Variants in LUZP4 observed in about 807,000 individuals in gnomAD.
LUZP4 encodes leucine zipper protein 4, also known as HOM-TES-85 tumor antigen.
A neutral mutation model predicts 8.5 loss-of-function variants in LUZP4; 11 were observed. That is an observed-to-expected ratio of 1.30 (90% CI 0.82 to 2.14). The LOEUF is 2.14. Ranked by LOEUF, LUZP4 falls within the 30% of genes most tolerant of loss-of-function variation. The probability of loss-of-function intolerance (pLI) is 0.00; values close to 1 mark genes in which losing one functional copy is unlikely to be tolerated. For synonymous variants in LUZP4, 104 were observed against 79.4 expected, an observed-to-expected ratio of 1.31 and a Z score of -1.65; for missense variants, 276 against 229.7, an observed-to-expected ratio of 1.20 and a Z score of -1.30.
rs1253406155 is a variant in LUZP4, at chrX:115,307,121, C to A, written c.*317C>A. ...TAGTGTCCTGTCCCCCTTGGACGTT[C>A]CAACTTGACTTAGTGTCCAGTGCCC... On this transcript the variant is annotated 3_prime_UTR_variant, in exon 4 of 4. Coordinates refer to ENST00000371920, the MANE Select transcript of LUZP4 (RefSeq NM_016383.5). The A allele has an allele frequency of 8.0e-6, 2 of 248,726 alleles. No individual in the cohort carries two copies. The highest frequency in any genetic ancestry group is 2.7e-5 in the African/African-American group (1 of 36,423). The allele number at this position is 248,726 out of a possible 1,213,427, so 20.5% of individuals were successfully genotyped here.
chrX:115,293,793 A>T (rs1286620810), intron 1 of LUZP4, among the ~76,000 whole-genome samples: 5 of 109,005 alleles, frequency 4.6e-5, no homozygotes, highest in African/African-American at 1.7e-4. Flanking sequence ...TCTCCTAAAA[A>T]TACAAAAATT....
intron 1 of LUZP4, among the ~76,000 whole-genome samples, chrX:115,291,657 C>A (rs1031338771): frequency 9.0e-6 from 1 of 110,687 alleles, no homozygotes; most frequent in Non-Finnish European, 1.9e-5. Flanking sequence ...CTTGGTGGCT[C>A]ATTCATGTAA....
chrX:115,304,393 A>AT (rs1224522702), intron 3 of LUZP4, among the ~76,000 whole-genome samples: 1 of 112,139 alleles, frequency 8.9e-6, no homozygotes, highest in Non-Finnish European at 1.9e-5. Context: ...GGATGAGGGG[A>AT]TTTTTTTATA....
intron 1 of LUZP4, among the ~76,000 whole-genome samples, chrX:115,301,076 A>G (rs2073394999): frequency 9.0e-6 from 1 of 110,846 alleles, no homozygotes; most frequent in Admixed American, 9.6e-5. Flanking sequence ...GGAGTGGTTA[A>G]TCTGTGTCAC....
At chrX:115,295,236 T>A (rs1556598493) in intron 1 of LUZP4, among the ~76,000 whole-genome samples, 14 of 111,088 alleles carry the variant, frequency 1.3e-4, no homozygotes, top group Non-Finnish European at 2.6e-4. Context: ...CCACCACACC[T>A]GGCTCATTTT....
At chrX:115,292,685 C>G (rs2073353778) in intron 1 of LUZP4, among the ~76,000 whole-genome samples, 1 of 110,652 alleles carries the variant, frequency 9.0e-6, no homozygotes, top group South Asian at 3.8e-4. Context: ...ATTGGACATC[C>G]TTGACTTGTT....
chrX:115,303,808 A>G (rs1046995566), intron 3 of LUZP4, among the ~76,000 whole-genome samples: 9 of 112,081 alleles, frequency 8.0e-5, no homozygotes, highest in African/African-American at 2.9e-4. Flanking sequence ...GATATCAGAT[A>G]TGAAATATAC....
chrX:115,291,048 C>T (rs2073346853), intron 1 of LUZP4, among the ~76,000 whole-genome samples: 1 of 111,243 alleles, frequency 9.0e-6, no homozygotes, highest in South Asian at 3.9e-4. Context: ...ATCCGCCCTT[C>T]TCGGCCTCCC....
intron 2 of LUZP4, among the ~76,000 whole-genome samples, chrX:115,302,883 G>C (rs1459522076): frequency 8.9e-6 from 1 of 112,325 alleles, no homozygotes; most frequent in Non-Finnish European, 1.9e-5. Context: ...GAGCCTTTTG[G>C]AGATATTCTT....
At chrX:115,303,244 T>G in intron 2 of LUZP4, 56 bp from the exon 3 acceptor site, 1 of 702,263 alleles carries the variant, frequency 1.4e-6, no homozygotes, top group Non-Finnish European at 2.1e-6. Flanking sequence ...ATAATACTTC[T>G]GAAAGATACA....
chrX:115,306,721 C>T lies in LUZP4; in HGVS notation c.859C>T (p.Leu287Phe), dbSNP rs2073425001. The change falls in exon 4 of 4, where the codon CTC becomes TTC. Residue 287 changes from leucine (L) to phenylalanine (F), a missense_variant. Coordinates refer to ENST00000371920, the MANE Select transcript of LUZP4 (RefSeq NM_016383.5). Reference protein sequence around the residue: ...QRDLVATERDLINQSGRSHGQ... With the variant: ...QRDLVATERDFINQSGRSHGQ... ...AGATCTCGTGGCCACTGAGAGAGAT[C>T]TCATAAATCAGTCAGGGAGATCTCA... 1 of 1,208,913 alleles carries T rather than the reference C, an allele frequency of 8.3e-7. No homozygotes were observed. The highest frequency in any genetic ancestry group is 1.8e-5 in the African/African-American group (1 of 56,855).
intron 2 of LUZP4, among the ~76,000 whole-genome samples, chrX:115,302,685 C>G (rs1383609234): frequency 1.8e-5 from 2 of 112,889 alleles, no homozygotes; most frequent in African/African-American, 3.2e-5. Context: ...ACCATTTTGA[C>G]ATTGTGATTA....
At chrX:115,299,555 C>G (rs1164183201) in intron 1 of LUZP4, among the ~76,000 whole-genome samples, 6 of 111,260 alleles carry the variant, frequency 5.4e-5, no homozygotes, top group African/African-American at 2.0e-4. Flanking sequence ...GCAGAGGAGC[C>G]TCACCCCATA....
chrX:115,300,801 G>A (rs1194028013), intron 1 of LUZP4, among the ~76,000 whole-genome samples: 2 of 111,100 alleles, frequency 1.8e-5, no homozygotes, highest in African/African-American at 6.6e-5. Flanking sequence ...GGAGTTGGGG[G>A]AAGGGTGACA....
At chrX:115,298,212 G>A (rs782299100) in intron 1 of LUZP4, among the ~76,000 whole-genome samples, 2 of 110,156 alleles carry the variant, frequency 1.8e-5, no homozygotes, top group African/African-American at 3.3e-5. Flanking sequence ...GATTACAGGT[G>A]AGCACCACCA....
intron 1 of LUZP4, among the ~76,000 whole-genome samples, chrX:115,298,828 C>T (rs1373133815): frequency 9.0e-6 from 1 of 111,285 alleles, no homozygotes; most frequent in Non-Finnish European, 1.9e-5. Context: ...TTGGTGAGGT[C>T]ATGTTTTCCT....
chrX:115,301,622 A>G (rs2147404578), intron 1 of LUZP4, among the ~76,000 whole-genome samples: 1 of 112,426 alleles, frequency 8.9e-6, no homozygotes, highest in African/African-American at 3.2e-5. Flanking sequence ...GCTGATTTAC[A>G]TTTATTTAGT....
intron 3 of LUZP4, 109 bp downstream of exon 3, chrX:115,303,527 T>G: frequency 2.8e-6 from 1 of 356,800 alleles, no homozygotes; most frequent in Non-Finnish European, 4.8e-6. Context: ...TGTTTCTTGG[T>G]ATTCCTCCAT....
At chrX:115,290,767 A>G (rs1556596393) in intron 1 of LUZP4, among the ~76,000 whole-genome samples, 1 of 109,462 alleles carries the variant, frequency 9.1e-6, no homozygotes, top group Admixed American at 9.8e-5. Context: ...CAAAACAGAA[A>G]AGGGCTACTT....
Sources: allele counts gnomAD v4.1 joint callset (sites outside exome capture counted in the v4.1 genomes callset), GRCh38; gene constraint gnomAD v4.1.1; transcripts MANE v1.5; gene names NCBI Gene and HGNC (gene_info 2026-07-23, HGNC 2026-07-21).